The following NEB variants were observed in gnomAD, a reference collection of about 807,000 sequenced individuals.
NEB encodes nebulin, also known as nemaline myopathy type 2.
NEB carries 512 observed loss-of-function variants against 952.2 expected under a neutral mutation model. That is an observed-to-expected ratio of 0.54 (90% CI 0.50 to 0.58). NEB has a LOEUF of 0.58. Among genes scored for constraint, NEB ranks in the 20% least tolerant of loss-of-function variants. The pLI, the probability that NEB is intolerant of heterozygous loss-of-function variation, is 0.00. For missense variants in NEB, 8,428 were observed against 9,231.1 expected, an observed-to-expected ratio of 0.91 and a Z score of 3.56; for synonymous variants, 2,900 against 3,149.8, an observed-to-expected ratio of 0.92 and a Z score of 2.66.
intron 124 of NEB, 105 bp downstream of exon 124, chr2:151,560,487 G>A: frequency 2.3e-6 from 2 of 878,086 alleles, no homozygotes; most frequent in East Asian, 2.6e-5. Flanking sequence ...GGGAGTGCTA[G>A]GGGTACTTCT....
At chr2:151,711,731 A>G (rs1487375212) in intron 10 of NEB, among the ~76,000 whole-genome samples, 1 of 152,198 alleles carries the variant, frequency 6.6e-6, no homozygotes, top group Non-Finnish European at 1.5e-5. Context: ...GTTTAATAAG[A>G]TCATTCGCTA....
chr2:151,519,227 G>A (rs1314916773), intron 154 of NEB, among the ~76,000 whole-genome samples, 158 bp from the exon 155 acceptor site: 1 of 152,174 alleles, frequency 6.6e-6, no homozygotes, highest in Non-Finnish European at 1.5e-5. Context: ...AACAACCCAA[G>A]TGTCTGTCAG....
rs757855431 is a variant in NEB, at chr2:151,562,800, G to A, written c.18702C>T (p.Tyr6234=). 1.3e-6 allele frequency: 2 copies of A among 1,562,196 alleles called. No individual in the cohort carries two copies. The highest frequency in any genetic ancestry group is 1.7e-6 in the Non-Finnish European group (2 of 1,150,142). The change falls in exon 120 of 182, where the codon TAC becomes TAT. Residue 6234 remains tyrosine (Y), a synonymous_variant. Coordinates refer to ENST00000397345, the MANE Select transcript of NEB (RefSeq NM_001164508.2). ...DFQKMRSALN[Y]RKHYEDTKAN... ...CTTTGGTATCCTCATAATGTTTTCT[G>A]TAGTTCAACTAATATGTTTTAAAGA...
At chr2:151,678,265 T>A in intron 32 of NEB, 78 bp from the exon 33 acceptor site, 3 of 887,522 alleles carry the variant, frequency 3.4e-6, no homozygotes, top group Non-Finnish European at 5.1e-6. Context: ...TGATTTGAAG[T>A]AATTGAGCTT....
intron 81 of NEB, among the ~76,000 whole-genome samples, chr2:151,609,172 A>C (rs1260905504): frequency 2.0e-5 from 3 of 151,258 alleles, no homozygotes; most frequent in Non-Finnish European, 4.4e-5. Context: ...CAGCCTGGGC[A>C]ACGAGAGTGA....
chr2:151,709,573 T>A (rs138792610), intron 12 of NEB, 83 bp downstream of exon 12: 25,772 of 1,066,022 alleles, frequency 0.024, 418 homozygotes, highest in Middle Eastern at 0.05. Context: ...TCCCCTTTTT[T>A]ACTAATTATA....
intron 24 of NEB, chr2:151,689,193 T>C (rs2099526130): frequency 7.1e-6 from 1 of 141,104 alleles, no homozygotes; most frequent in Non-Finnish European, 1.5e-5. Flanking sequence ...AAAAGATATA[T>C]ACTCTTTTTT....
chr2:151,726,994 G>A (rs763879672), intron 5 of NEB, among the ~76,000 whole-genome samples: 2 of 151,116 alleles, frequency 1.3e-5, no homozygotes, highest in Non-Finnish European at 2.9e-5. Context: ...GGGCTGAAGT[G>A]AGCTGTGATC....
Position 151,655,894 on chromosome 2 carries a change from T to C in NEB, c.6625A>G (p.Ser2209Gly). Residue 2209 changes from serine (S) to glycine (G), a missense_variant, in exon 50 of 182, where the codon AGC (serine) becomes GGC (glycine). Ser to Gly is a moderately conservative substitution (Grantham distance 56, BLOSUM62 0). This residue lies in a region of NEB where 2,851 missense variants were observed against 2,791.5 expected (regional missense o/e 1.02). Coordinates refer to ENST00000397345, the MANE Select transcript of NEB (RefSeq NM_001164508.2). ...GTCAGCTTCTTAAACTGGAAGTTGC[T>C]CGGGTGCTGGCGGTATTTCTGATCA... is the stretch of plus-strand genomic sequence containing the variant. ...ASDQKYRQHP[S>G]NFQFKKLTDS... 6.2e-7 allele frequency: 1 copy of C among 1,613,850 alleles called. No homozygotes were observed. Among genetic ancestry groups the C allele is most frequent in the East Asian group, 2.2e-5 (1 of 44,878 alleles).
intron 52 of NEB, among the ~76,000 whole-genome samples, chr2:151,651,676 A>G (rs1213343642): frequency 6.6e-6 from 1 of 152,244 alleles, no homozygotes; most frequent in Non-Finnish European, 1.5e-5. Context: ...TCACATTAGT[A>G]CTAGATGACA....
Position 151,565,711 on chromosome 2 carries a change from C to A in NEB, c.18261+5G>T, listed in dbSNP as rs375167899. 3 of 1,608,826 alleles carry A rather than the reference C, an allele frequency of 1.9e-6. No homozygotes were observed. The highest frequency in any genetic ancestry group is 1.1e-5 in the South Asian group (1 of 90,318). ...TAGGTTAGAAGGAGAATAGGCTTTG[C>A]GTACCTGACTCATCATTTCCTGGTT... On this transcript the variant is annotated splice_donor_5th_base_variant and intron_variant, in intron 115 of 181. Transcript: ENST00000397345.
intron 72 of NEB, 58 bp downstream of exon 72, chr2:151,620,861 C>T (rs547541231): frequency 1.5e-6 from 2 of 1,309,202 alleles, no homozygotes; most frequent in African/African-American, 1.5e-5. Context: ...AGACATCCAG[C>T]TGTATTCTGT....
Position 151,727,677 on chromosome 2 carries a change from T to A in NEB, c.294+14A>T, listed in dbSNP as rs953558036. 3.7e-6 allele frequency: 6 copies of A among 1,604,604 alleles called. No homozygotes were observed. Among genetic ancestry groups the A allele is most frequent in the Non-Finnish European group, 4.3e-6 (5 of 1,172,300 alleles). On this transcript the variant is annotated intron_variant, in intron 5 of 181. Coordinates refer to ENST00000397345, the MANE Select transcript of NEB (RefSeq NM_001164508.2). ...ATAATCAAGCCAGGTTAGCAGAAGTTGTTTGAAACTTACTGGGCTAAAAAG... is the reference window on the plus strand; with the variant it reads ...ATAATCAAGCCAGGTTAGCAGAAGTAGTTTGAAACTTACTGGGCTAAAAAG...
Position 151,491,520 on chromosome 2 carries a change from G to C in NEB, c.25150+163C>G, listed in dbSNP as rs1392879219. Reference sequence around the variant, plus strand: ...TTTCTAACTTGAACTTATCTAGAAAGTAAGTTTTGCTCACTAGTTAACAAG... The same window carrying C: ...TTTCTAACTTGAACTTATCTAGAAACTAAGTTTTGCTCACTAGTTAACAAG... On this transcript the variant is annotated intron_variant, in intron 179 of 181. Transcript: ENST00000397345. The C allele has an allele frequency of 5.6e-5, 33 of 586,920 alleles. No individual in the cohort carries two copies. In the East Asian group the frequency reaches 9.8e-4, roughly 17 times the overall value. 36.4% of individuals were successfully genotyped at this position (586,920 alleles called of 1,614,324 possible).
rs2097013560 is a variant in NEB at position 151,578,942 on chromosome 2, T to G, written c.16704+396A>C. ...AATAAAAATACAAAAATCAGCTGGG[T>G]GTGGTGCACATGCCTGTAATCCCAG... On this transcript the variant is annotated intron_variant, in intron 105 of 181. Transcript: ENST00000397345. 2.0e-5 allele frequency among the ~76,000 whole-genome samples: 3 copies of G among 148,668 alleles called. No individual in the cohort carries two copies. The Admixed American group carries it at 2.0e-4, about 10-fold the overall frequency.
At chr2:151,666,574 T>C (rs796105655) in intron 40 of NEB, among the ~76,000 whole-genome samples, 173 bp from the exon 41 acceptor site, 4 of 152,292 alleles carry the variant, frequency 2.6e-5, no homozygotes, top group African/African-American at 9.6e-5. Flanking sequence ...TGGCTCATCT[T>C]GAGACCTGCC....
In NEB at chr2:151,541,471, C is replaced by T. The variant is rs1205259834; in HGVS notation, c.20658G>A (p.Lys6886=). Residue 6886 remains lysine, a synonymous_variant, in exon 136 of 182, where the codon AAG becomes AAA. Transcript: ENST00000397345. ...VPDTPDLLRA[K]RGQKLQSQYL... is the part of the protein sequence containing the mutation. ...CCTGACTCTGAAGCTTCTGCCCTCG[C>T]TTGGCTCTTAAAAGATCAGGAGTAT... The T allele has an allele frequency of 1.2e-6, 2 of 1,612,996 alleles. No homozygotes were observed. The highest frequency in any genetic ancestry group is 3.3e-4 in the Middle Eastern group (2 of 6,050).
chr2:151,707,622 G>A (rs555177762), intron 12 of NEB, among the ~76,000 whole-genome samples: 1 of 152,272 alleles, frequency 6.6e-6, no homozygotes, highest in Non-Finnish European at 1.5e-5. Flanking sequence ...GAGGGGTGTT[G>A]GGGGAGAATA....
chr2:151,684,810 G>C lies in NEB; in HGVS notation c.2803C>G (p.Leu935Val). Residue 935 changes from leucine (L) to valine (V), a missense_variant, in exon 28 of 182, where the codon CTT becomes GTT. Around this residue, in one of 11 missense-constraint regions of NEB, gnomAD observed 2,851 missense variants for 2,791.5 expected, o/e 1.02. Coordinates refer to ENST00000397345, the MANE Select transcript of NEB (RefSeq NM_001164508.2). ...TGCAGCGCATATGCCTTCTTGGCAA[G>C]GTCCACATTGATGCTATCAGGGGGG... ...SYPPDSINVDLAKKAYALQSD... is the reference protein window; with the variant it reads ...SYPPDSINVDVAKKAYALQSD... 6.2e-7 allele frequency: 1 copy of C among 1,612,010 alleles called. No homozygotes were observed. The highest frequency in any genetic ancestry group is 2.2e-5 in the East Asian group (1 of 44,854).
Sources: allele counts gnomAD v4.1 joint callset (sites outside exome capture counted in the v4.1 genomes callset), GRCh38; gene constraint gnomAD v4.1.1; regional missense constraint gnomAD v4.1.1; transcripts MANE v1.5; gene names NCBI Gene and HGNC (gene_info 2026-07-23, HGNC 2026-07-21).